The following LDLRAP1 variants were observed in gnomAD, a reference collection of about 807,000 sequenced individuals.
LDLRAP1 encodes low density lipoprotein receptor adapter protein 1.
LDLRAP1 carries 30 observed loss-of-function variants against 37.8 expected under a neutral mutation model. That is an observed-to-expected ratio of 0.79 (90% CI 0.59 to 1.08). LDLRAP1 has a LOEUF of 1.08. Among genes scored for constraint, LDLRAP1 ranks in the 50% least tolerant of loss-of-function variants. LDLRAP1 has a pLI of 0.00. For synonymous variants in LDLRAP1, 156 were observed against 169.8 expected (o/e 0.92, Z 0.63); for missense variants, 375 against 401.6 (o/e 0.93, Z 0.57).
intron 1 of LDLRAP1, among the ~76,000 whole-genome samples, chr1:25,551,155 A>G (rs530397545): frequency 6.6e-6 from 1 of 152,138 alleles, no homozygotes; most frequent in Non-Finnish European, 1.5e-5. Flanking sequence ...TTGATTATCA[A>G]TGTCTGCCAA....
chr1:25,579,253 G>A, the LDLRAP1 span, among the ~76,000 whole-genome samples: 1 of 152,210 alleles, frequency 6.6e-6, no homozygotes, highest in African/African-American at 2.4e-5. Context: ...GAGAACAGCA[G>A]AGCTGGGAGT....
intron 1 of LDLRAP1, among the ~76,000 whole-genome samples, chr1:25,546,077 C>G (rs1172697346): frequency 6.6e-6 from 1 of 152,114 alleles, no homozygotes; most frequent in Non-Finnish European, 1.5e-5. Flanking sequence ...TGGGAGCAGG[C>G]CCCACCTACC....
chr1:25,580,581 CATTG>C, the LDLRAP1 span, among the ~76,000 whole-genome samples: 2 of 152,190 alleles, frequency 1.3e-5, no homozygotes, highest in African/African-American at 4.8e-5. Flanking sequence ...AATCACAGCT[CATTG>C]CAGCCTTGAC....
At chr1:25,565,243 G>C in intron 8 of LDLRAP1, 36 bp downstream of exon 8, 1 of 1,612,870 alleles carries the variant, frequency 6.2e-7, no homozygotes, top group Non-Finnish European at 8.5e-7. Flanking sequence ...AGGGGGCCTG[G>C]TGTGCGTGGG....
the LDLRAP1 span, among the ~76,000 whole-genome samples, chr1:25,588,175 C>G: frequency 6.6e-6 from 1 of 152,192 alleles, no homozygotes; most frequent in Non-Finnish European, 1.5e-5. Flanking sequence ...CCTAGGAAAG[C>G]CAGGTATTGT....
chr1:25,562,145 G>A (rs556232514), intron 4 of LDLRAP1, among the ~76,000 whole-genome samples: 2 of 152,174 alleles, frequency 1.3e-5, no homozygotes, highest in Non-Finnish European at 2.9e-5. Flanking sequence ...GGTCCCAACC[G>A]GAACCTAACT....
At chr1:25,551,018 G>A (rs181517220) in intron 1 of LDLRAP1, among the ~76,000 whole-genome samples, 1 of 152,210 alleles carries the variant, frequency 6.6e-6, no homozygotes, top group Admixed American at 6.5e-5. Flanking sequence ...ATGGGGGCTG[G>A]AGAGGGAGAG....
chr1:25,573,224 C>G (rs946242887), downstream of LDLRAP1, among the ~76,000 whole-genome samples: 10 of 152,210 alleles, frequency 6.6e-5, no homozygotes, highest in Non-Finnish European at 1.3e-4. Context: ...GGTGCACACT[C>G]AGGCCCCGCC....
the LDLRAP1 span, among the ~76,000 whole-genome samples, chr1:25,586,565 CGT>C: frequency 6.7e-6 from 1 of 149,194 alleles, no homozygotes; most frequent in Non-Finnish European, 1.5e-5. The surrounding 1 kb of genome is among the most constrained non-coding windows in gnomAD (Gnocchi z 4.3). Context: ...TGTGTACGTG[CGT>C]GTGTGTGCGT....
Position 25,563,101 on chromosome 1 carries a change from G to C in LDLRAP1, c.564G>C (p.Glu188Asp), listed in dbSNP as rs767622597. Residue 188 changes from glutamate (E) to aspartate (D), a missense_variant, in exon 6 of 9, where the codon GAG becomes GAC. Glu to Asp is a conservative substitution (Grantham distance 45). Transcript: ENST00000374338. ...AGAAGAGGGACAAAGCCAGCCAAGAGGGAGGGGACGTCCTGGGGGCCCGCC... is the reference window on the plus strand; with the variant it reads ...AGAAGAGGGACAAAGCCAGCCAAGACGGAGGGGACGTCCTGGGGGCCCGCC... ...EKEKRDKASQ[E>D]GGDVLGARQD... The C allele has an allele frequency of 3.7e-6, 6 of 1,614,028 alleles. No individual in the cohort carries two copies. Among genetic ancestry groups the C allele is most frequent in the Admixed American group, 3.3e-5 (2 of 60,000 alleles).
intron 8 of LDLRAP1, 124 bp downstream of exon 8, chr1:25,565,331 CA>C: frequency 9.6e-7 from 1 of 1,045,858 alleles, no homozygotes; most frequent in Non-Finnish European, 1.5e-6. Context: ...TCCAGAGCAA[CA>C]GTCCCATCCC....
chr1:25,584,277 A>G, the LDLRAP1 span, among the ~76,000 whole-genome samples: 1 of 151,456 alleles, frequency 6.6e-6, no homozygotes, highest in African/African-American at 2.4e-5. Context: ...AGTCCGCCCC[A>G]TGGTTCCTGT....
chr1:25,564,343 A>C, intron 7 of LDLRAP1: 1 of 184,580 alleles, frequency 5.4e-6, no homozygotes, highest in Admixed American at 5.3e-5. Context: ...AAATTAGTAC[A>C]GAGAATTCCT....
chr1:25,561,660 T>C (rs1177894008), intron 4 of LDLRAP1, among the ~76,000 whole-genome samples: 2 of 152,158 alleles, frequency 1.3e-5, no homozygotes, highest in African/African-American at 4.8e-5. Context: ...TGATTAACCC[T>C]GGACTGGAAT....
At chr1:25,558,769 T>G (rs142317181) in intron 4 of LDLRAP1, among the ~76,000 whole-genome samples, 1 of 152,328 alleles carries the variant, frequency 6.6e-6, no homozygotes, top group East Asian at 1.9e-4. Context: ...CGCCACATCC[T>G]TAACTCACTT....
downstream of LDLRAP1, among the ~76,000 whole-genome samples, chr1:25,571,364 A>G (rs1420975634): frequency 6.6e-6 from 1 of 152,218 alleles, no homozygotes; most frequent in Non-Finnish European, 1.5e-5. Flanking sequence ...CTTTGTCCCC[A>G]GTGGCACTGC....
chr1:25,570,007 G>A (rs767114287), downstream of LDLRAP1, among the ~76,000 whole-genome samples: 63 of 152,192 alleles, frequency 4.1e-4, no homozygotes, highest in Admixed American at 9.2e-4. Context: ...GCCACTCTCC[G>A]GAGATTCCCC....
At position 25,567,083 on chromosome 1, in the gene LDLRAP1, C is replaced by T; in HGVS notation, c.*91C>T. ...GGAGCCAGTTCTGGGGCCCGCCTGC[C>T]ACCTCTCCCAGCCCTCAGCATTGTC... On this transcript the variant is annotated 3_prime_UTR_variant, in exon 9 of 9. Transcript: ENST00000374338. The T allele has an allele frequency of 6.8e-7, 1 of 1,473,606 alleles. No homozygotes were observed. 91.3% of individuals were successfully genotyped at this position (1,473,606 alleles called of 1,614,324 possible).
chr1:25,543,618 C>A lies in LDLRAP1; in HGVS notation c.-81C>A, dbSNP rs555107740. 26 of 1,029,242 alleles carry A rather than the reference C, an allele frequency of 2.5e-5. No individual in the cohort carries two copies. The Admixed American group carries it at 8.6e-4, about 34-fold the overall frequency. 63.8% of individuals were successfully genotyped at this position (1,029,242 alleles called of 1,614,324 possible). On this transcript the variant is annotated 5_prime_UTR_variant, in exon 1 of 9. Coordinates refer to ENST00000374338, the MANE Select transcript of LDLRAP1 (RefSeq NM_015627.3). The stretch of plus-strand genomic sequence containing the variant: ...CGCTGGGAGGGGAGGAGCGCGCAGC[C>A]CGCGCGCCGCAGGGCCGGGCGGAAA...
Sources: allele counts gnomAD v4.1 joint callset (sites outside exome capture counted in the v4.1 genomes callset), GRCh38; gene constraint gnomAD v4.1.1; non-coding constraint Gnocchi (gnomAD v3.1); transcripts MANE v1.5; gene names NCBI Gene and HGNC (gene_info 2026-07-23, HGNC 2026-07-21).